The following TMCO5A variants were observed in gnomAD, a reference collection of about 807,000 sequenced individuals.
The protein encoded by TMCO5A is transmembrane and coiled-coil domains 5A.
In TMCO5A, 34 loss-of-function variants were observed where a neutral mutation model predicts 42.3. The ratio of observed to expected loss-of-function variants is 0.80; its 90% CI spans 0.61 to 1.07. TMCO5A has a LOEUF of 1.07. Ranked by LOEUF, TMCO5A falls within the 50% of genes least tolerant of loss-of-function variation. TMCO5A has a pLI of 0.00. For missense variants in TMCO5A, 357 were observed against 327.9 expected (o/e 1.09, Z -0.69); for synonymous variants, 131 against 115.6 (o/e 1.13, Z -0.86).
rs1889724931 is a variant in TMCO5A at position 37,941,168 on chromosome 15, A to T, written c.407A>T (p.Glu136Val). 1.2e-6 allele frequency: 2 copies of T among 1,613,236 alleles called. No homozygotes were observed. The highest frequency in any genetic ancestry group is 1.7e-6 in the Non-Finnish European group (2 of 1,179,546). The change falls in exon 7 of 12, where the codon GAA becomes GTA. Residue 136 changes from glutamate (E) to valine (V), a missense_variant. Transcript: ENST00000319669. ...EETKVKLQQLEASYACQEKEL... is the reference protein window; with the variant it reads ...EETKVKLQQLVASYACQEKEL... ...CTTTAGGTTAAGTTACAACAGCTGG[A>T]AGCTTCCTATGCATGCCAAGAGAAG...
the TMCO5A span, among the ~76,000 whole-genome samples, chr15:38,039,608 G>GTATACC: frequency 9.2e-5 from 14 of 152,214 alleles, no homozygotes; most frequent in Admixed American, 8.5e-4. Flanking sequence ...TACCCCACAG[G>GTATACC]TATAGATTAC....
chr15:37,999,784 T>A, the TMCO5A span, among the ~76,000 whole-genome samples: 1 of 152,222 alleles, frequency 6.6e-6, no homozygotes, highest in African/African-American at 2.4e-5. Flanking sequence ...ATTGAAATGA[T>A]CATGATTTTG....
At chr15:37,944,849 C>T (rs1889880340) in intron 10 of TMCO5A, among the ~76,000 whole-genome samples, 2 of 152,060 alleles carry the variant, frequency 1.3e-5, no homozygotes, top group South Asian at 2.1e-4. Context: ...CAGGACATAG[C>T]CTCATCTTTA....
rs774716165 is a variant in TMCO5A, at chr15:37,937,312, G to A, written c.265-34G>A. On this transcript the variant is annotated intron_variant, in intron 4 of 11. Coordinates refer to ENST00000319669, the MANE Select transcript of TMCO5A (RefSeq NM_152453.4). ...ACTGAATAAGAACAGATGGAGTACAGAGGCAGATTTACACTGTTATTTCTC... is the reference window on the plus strand; with the variant it reads ...ACTGAATAAGAACAGATGGAGTACAAAGGCAGATTTACACTGTTATTTCTC... 4.3e-6 allele frequency: 7 copies of A among 1,610,944 alleles called. No individual in the cohort carries two copies. In the South Asian group the frequency reaches 7.7e-5, roughly 18 times the overall value.
At position 37,947,697 on chromosome 15, in the gene TMCO5A, G is replaced by C; in HGVS notation, c.668+1G>C. 1 of 1,592,304 alleles carries C rather than the reference G, an allele frequency of 6.3e-7. No individual in the cohort carries two copies. Among genetic ancestry groups the C allele is most frequent in the South Asian group, 1.1e-5 (1 of 89,150 alleles). On this transcript the variant is annotated splice_donor_variant, in intron 11 of 11. Coordinates refer to ENST00000319669, the MANE Select transcript of TMCO5A (RefSeq NM_152453.4). LOFTEE classifies it high-confidence loss of function. The stretch of plus-strand genomic sequence containing the variant: ...AGACAGCAAGATTATTCAGTAAAAA[G>C]TAAGTAAAATATCTTCAGGTAAACT...
the TMCO5A span, among the ~76,000 whole-genome samples, chr15:38,008,032 A>T: frequency 6.6e-6 from 1 of 151,570 alleles, no homozygotes; most frequent in Non-Finnish European, 1.5e-5. Flanking sequence ...GGTTGCTGGG[A>T]CTACAGGCGC....
the TMCO5A span, among the ~76,000 whole-genome samples, chr15:38,032,009 G>A: frequency 2.6e-5 from 4 of 151,714 alleles, no homozygotes; most frequent in African/African-American, 9.7e-5. Flanking sequence ...AGGCTGGAGT[G>A]CAATGGTATG....
chr15:37,980,257 G>A, the TMCO5A span, among the ~76,000 whole-genome samples: 44 of 152,270 alleles, frequency 2.9e-4, no homozygotes, highest in African/African-American at 1.1e-3. Context: ...CTCTATCCCA[G>A]GGAGGTGTGA....
At chr15:37,960,824 A>G (rs1022643382) in intron 11 of TMCO5A, among the ~76,000 whole-genome samples, 1 of 152,052 alleles carries the variant, frequency 6.6e-6, no homozygotes, top group Non-Finnish European at 1.5e-5. Context: ...TCATTTGTAT[A>G]TCTTCTTTTG....
chr15:37,981,730 T>C, the TMCO5A span, among the ~76,000 whole-genome samples: 1 of 152,196 alleles, frequency 6.6e-6, no homozygotes, highest in Non-Finnish European at 1.5e-5. Flanking sequence ...AGTGCAGACC[T>C]GGGAAGGTAA....
intron 11 of TMCO5A, among the ~76,000 whole-genome samples, chr15:37,962,707 T>C (rs1047703130): frequency 6.6e-6 from 1 of 152,128 alleles, no homozygotes; most frequent in African/African-American, 2.4e-5. Context: ...AATTGCCATT[T>C]CTATCTCACT....
At chr15:37,973,247 T>C in the TMCO5A span, among the ~76,000 whole-genome samples, 1 of 152,128 alleles carries the variant, frequency 6.6e-6, no homozygotes, top group Non-Finnish European at 1.5e-5. Context: ...GCTTTGTTCT[T>C]TGTGCTTAGT....
At chr15:37,959,526 G>A (rs1890370083) in intron 11 of TMCO5A, among the ~76,000 whole-genome samples, 1 of 151,974 alleles carries the variant, frequency 6.6e-6, no homozygotes, top group African/African-American at 2.4e-5. Flanking sequence ...TGCAGGGATA[G>A]TTCGACATAC....
chr15:38,023,456 T>G, the TMCO5A span, among the ~76,000 whole-genome samples: 32 of 152,326 alleles, frequency 2.1e-4, no homozygotes, highest in Non-Finnish European at 3.7e-4. Context: ...CTCAGAGTAG[T>G]TTGACCTCTT....
chr15:37,976,637 T>C, the TMCO5A span, among the ~76,000 whole-genome samples: 11 of 152,188 alleles, frequency 7.2e-5, no homozygotes, highest in Non-Finnish European at 1.3e-4. Flanking sequence ...TCTGATTGAG[T>C]TACTTCAGAG....
At chr15:37,936,499 C>A in intron 3 of TMCO5A, 36 bp downstream of exon 3, 1 of 1,590,710 alleles carries the variant, frequency 6.3e-7, no homozygotes, top group East Asian at 2.2e-5. Context: ...AGTTCCCAAT[C>A]CAAAGAAGGG....
chr15:37,998,909 T>C, the TMCO5A span, among the ~76,000 whole-genome samples: 1 of 152,056 alleles, frequency 6.6e-6, no homozygotes, highest in Non-Finnish European at 1.5e-5. Flanking sequence ...TTTGTTGTTG[T>C]TGTTGTTGTT....
the TMCO5A span, among the ~76,000 whole-genome samples, chr15:37,976,033 C>G: frequency 1.6e-3 from 240 of 150,870 alleles, 18 homozygotes; most frequent in African/African-American, 5.8e-3. Flanking sequence ...CACCTGAGGT[C>G]AGGAGTTTGC....
chr15:37,978,160 C>T, the TMCO5A span, among the ~76,000 whole-genome samples: 1 of 152,208 alleles, frequency 6.6e-6, no homozygotes, highest in Non-Finnish European at 1.5e-5. Flanking sequence ...GTACTGTGGG[C>T]CTGAGCCAGG....
Sources: gnomAD v4.1 joint callset for allele counts (sites outside exome capture counted in the v4.1 genomes callset) on GRCh38, gnomAD v4.1.1 for gene constraint, MANE v1.5 for transcripts, NCBI Gene and HGNC (gene_info 2026-07-23, HGNC 2026-07-21) for gene names.